CORIN: variants seen among roughly 807,000 people sequenced by gnomAD.
CORIN encodes the protein atrial natriuretic peptide-converting enzyme.
In CORIN, 117 loss-of-function variants were observed where a neutral mutation model predicts 125.3. The observed-to-expected ratio is 0.93, with a 90% CI of 0.80 to 1.09. The LOEUF (loss-of-function observed/expected upper bound fraction) is 1.09. Ranked by LOEUF, CORIN falls within the 50% of genes least tolerant of loss-of-function variation. The pLI, the probability that CORIN is intolerant of heterozygous loss-of-function variation, is 0.00. For synonymous variants in CORIN, 450 were observed against 466.4 expected (o/e 0.96, Z 0.45); for missense variants, 1,253 against 1,306.7 (o/e 0.96, Z 0.63).
At chr4:47,642,178 G>A in intron 15 of CORIN, 129 bp from the exon 16 acceptor site, 2 of 906,828 alleles carry the variant, frequency 2.2e-6, no homozygotes, top group South Asian at 3.4e-5. Flanking sequence ...CATTTGATGT[G>A]TACCTACCCT....
chr4:47,807,167 T>A (rs1731834209), intron 1 of CORIN, 120 bp from the exon 2 acceptor site: 1 of 731,752 alleles, frequency 1.4e-6, no homozygotes, highest in South Asian at 2.1e-5. Context: ...GTTTGTGGTT[T>A]AGGGTATGAA....
Position 47,664,978 on chromosome 4 carries a change from C to T in CORIN, c.1589+54G>A, listed in dbSNP as rs878932159. The T allele has an allele frequency of 3.2e-6, 4 of 1,234,602 alleles. No individual in the cohort carries two copies. In the African/African-American group the frequency reaches 6.0e-5, roughly 19 times the overall value. The allele number at this position is 1,234,602 out of a possible 1,614,324, so 76.5% of individuals were successfully genotyped here. ...GTCCAAACTCAACTAAGTCTTCACC[C>T]CTTGGTTCTCTCTGAGGCAAAATAA... On this transcript the variant is annotated intron_variant, in intron 11 of 21. Transcript: ENST00000273857.
At chr4:47,788,913 T>C (rs1023116128) in intron 2 of CORIN, among the ~76,000 whole-genome samples, 2 of 152,222 alleles carry the variant, frequency 1.3e-5, no homozygotes, top group African/African-American at 4.8e-5. Context: ...TGAACACTTG[T>C]TCCTAACTTT....
At chr4:47,664,534 G>A (rs1319582283) in intron 11 of CORIN, among the ~76,000 whole-genome samples, 7 of 152,014 alleles carry the variant, frequency 4.6e-5, no homozygotes, top group Admixed American at 2.6e-4. Context: ...TCCAAGCTAC[G>A]CTCTTGAAAT....
At chr4:47,649,770 C>A (rs996108071) in intron 13 of CORIN, among the ~76,000 whole-genome samples, 2 of 152,170 alleles carry the variant, frequency 1.3e-5, no homozygotes, top group African/African-American at 4.8e-5. Context: ...GAGAAAATTT[C>A]CCCCTTAACA....
At chr4:47,762,503 T>C (rs1021348500) in intron 4 of CORIN, among the ~76,000 whole-genome samples, 2 of 152,228 alleles carry the variant, frequency 1.3e-5, no homozygotes, top group African/African-American at 4.8e-5. Flanking sequence ...GATGTACTTA[T>C]TGAAATTATC....
At chr4:47,775,659 G>C (rs564138726) in intron 3 of CORIN, among the ~76,000 whole-genome samples, 3 of 152,258 alleles carry the variant, frequency 2.0e-5, no homozygotes, top group African/African-American at 7.2e-5. Context: ...GGTGGATGGA[G>C]GGAAGACACA....
chr4:47,716,583 T>A (rs1346424185), intron 5 of CORIN, among the ~76,000 whole-genome samples: 1 of 152,198 alleles, frequency 6.6e-6, no homozygotes, highest in Non-Finnish European at 1.5e-5. Context: ...TTTCACTTAA[T>A]ATTTAAAGGA....
At chr4:47,702,149 T>C (rs1726326345) in intron 5 of CORIN, among the ~76,000 whole-genome samples, 1 of 152,168 alleles carries the variant, frequency 6.6e-6, no homozygotes, top group Non-Finnish European at 1.5e-5. Context: ...TACTTTAATA[T>C]ATTTTTGAGA....
chr4:47,623,708 C>T lies in CORIN; in HGVS notation c.2403G>A (p.Arg801=). The change falls in exon 19 of 22, where the codon AGG becomes AGA. Residue 801 remains arginine, a synonymous_variant. Coordinates refer to ENST00000273857, the MANE Select transcript of CORIN (RefSeq NM_006587.4). ...GRRPAARMNK[R]ILGGRTSRPG... Reference sequence around the variant, plus strand: ...GGCGACTCGTCCGACCTCCAAGGATCCTTTTGTTCATTCGGGCAGCAGGGC... The same window carrying T: ...GGCGACTCGTCCGACCTCCAAGGATTCTTTTGTTCATTCGGGCAGCAGGGC... The T allele has an allele frequency of 6.2e-7, 1 of 1,614,252 alleles. No individual in the cohort carries two copies. The highest frequency in any genetic ancestry group is 8.5e-7 in the Non-Finnish European group (1 of 1,180,042).
intron 5 of CORIN, among the ~76,000 whole-genome samples, chr4:47,708,843 A>G (rs1337889961): frequency 6.6e-6 from 1 of 152,230 alleles, no homozygotes; most frequent in African/African-American, 2.4e-5. Context: ...ATGCAAGATC[A>G]GTGGGAGGAG....
At chr4:47,700,037 A>T (rs1726216040) in intron 5 of CORIN, among the ~76,000 whole-genome samples, 1 of 152,180 alleles carries the variant, frequency 6.6e-6, no homozygotes, top group Admixed American at 6.5e-5. Flanking sequence ...ACTCCATTTC[A>T]ACCAAAGAGC....
At chr4:47,768,759 G>C (rs900942094) in intron 3 of CORIN, among the ~76,000 whole-genome samples, 1 of 152,120 alleles carries the variant, frequency 6.6e-6, no homozygotes, top group African/African-American at 2.4e-5. Context: ...AAAAACACTT[G>C]AGAAAATTAA....
chr4:47,674,327 T>C (rs2109697143), intron 10 of CORIN, 66 bp downstream of exon 10: 1 of 1,107,468 alleles, frequency 9.0e-7, no homozygotes, highest in Non-Finnish European at 1.4e-6. Flanking sequence ...TGAATGTCAA[T>C]GCAGAAGAAA....
At position 47,824,132 on chromosome 4, in the gene CORIN, T is replaced by A. The variant is rs1022332102; in HGVS notation, c.63+13755A>T. On this transcript the variant is annotated intron_variant, in intron 1 of 21. Coordinates refer to ENST00000273857, the MANE Select transcript of CORIN (RefSeq NM_006587.4). ...ATGCTATTCCTTTTTTTTTTTTTTT[T>A]ACTCCTTTTTTCTCCTAAAGCATAT... 1.2e-4 allele frequency among the ~76,000 whole-genome samples: 18 copies of A among 151,186 alleles called. 1 individual carries two copies. Among genetic ancestry groups the A allele is most frequent in the Admixed American group, 3.3e-4 (5 of 15,194 alleles).
chr4:47,751,956 GCCCCCCCAC>G (rs1345659491), intron 4 of CORIN, among the ~76,000 whole-genome samples: 20 of 151,398 alleles, frequency 1.3e-4, no homozygotes, highest in Non-Finnish European at 2.2e-4. Context: ...CTTACGTCAG[GCCCCCCCAC>G]CCACACTCCC....
chr4:47,682,675 A>T (rs1442170033), intron 7 of CORIN: 2 of 152,204 alleles, frequency 1.3e-5, no homozygotes, highest in Non-Finnish European at 1.5e-5. Context: ...CCCTGATTTG[A>T]TCATTACATA....
chr4:47,755,425 A>G (rs769083698), intron 4 of CORIN, among the ~76,000 whole-genome samples: 1 of 152,140 alleles, frequency 6.6e-6, no homozygotes, highest in Non-Finnish European at 1.5e-5. Context: ...CTCAATCGCT[A>G]TTCTCATCAG....
chr4:47,597,099 C>G (rs1328511455), intron 21 of CORIN, among the ~76,000 whole-genome samples: 1 of 152,102 alleles, frequency 6.6e-6, no homozygotes, highest in Non-Finnish European at 1.5e-5. Flanking sequence ...CACCTGTAAT[C>G]CCAGCACTTT....
Sources: gnomAD v4.1 joint callset for allele counts (sites outside exome capture counted in the v4.1 genomes callset) on GRCh38, gnomAD v4.1.1 for gene constraint, MANE v1.5 for transcripts, NCBI Gene and HGNC (gene_info 2026-07-23, HGNC 2026-07-21) for gene names.